CAV1: variants seen among roughly 807,000 people sequenced by gnomAD.
CAV1 encodes the protein caveolin 1, also known as caveolin-1.
Under a neutral mutation model 16.5 loss-of-function variants are expected in CAV1, and 10 were observed. The ratio of observed to expected loss-of-function variants is 0.61; its 90% CI spans 0.37 to 1.03. CAV1 has a LOEUF of 1.03. Among genes scored for constraint, CAV1 ranks in the 50% least tolerant of loss-of-function variants. CAV1 has a pLI of 0.01. For missense variants in CAV1, 212 were observed against 232.8 expected (o/e 0.91, Z 0.58); for synonymous variants, 76 against 85.1 (o/e 0.89, Z 0.59).
intron 2 of CAV1, among the ~76,000 whole-genome samples, chr7:116,535,234 T>C (rs1434185758): frequency 6.6e-6 from 1 of 152,248 alleles, no homozygotes; most frequent in African/African-American, 2.4e-5. Context: ...ACCTGGAATA[T>C]ACTGGAAGTC....
intron 2 of CAV1, among the ~76,000 whole-genome samples, chr7:116,540,982 A>G (rs1208824122): frequency 6.6e-6 from 1 of 152,206 alleles, no homozygotes; most frequent in Non-Finnish European, 1.5e-5. Flanking sequence ...AAACACACCC[A>G]TAGATGAATC....
chr7:116,560,552 T>A lies in CAV1; in HGVS notation c.*1265T>A, dbSNP rs985770825. 6.6e-6 allele frequency: 1 copy of A among 152,146 alleles called. No homozygotes were observed. Among genetic ancestry groups the A allele is most frequent in the Non-Finnish European group, 1.5e-5 (1 of 68,024 alleles). The allele number at this position is 152,146 out of a possible 1,614,324, so 9.4% of individuals were successfully genotyped here. On this transcript the variant is annotated 3_prime_UTR_variant, in exon 3 of 3. Transcript: ENST00000341049. ...AGCATCCCTTTGCCCAGAAAGAAGA[T>A]GGGGGAGGAGGCAGTAATAAAAAGA...
Position 116,526,518 on chromosome 7 carries a change from T to G in CAV1, c.31-7T>G. On this transcript the variant is annotated splice_polypyrimidine_tract_variant and splice_region_variant and intron_variant, in intron 1 of 2. Transcript: ENST00000341049. Reference sequence around the variant, plus strand: ...CGTCCTGGCCGTCCGCCCTCCGCCCTCTGCAGGGACATCTCTACACCGTTC... The same window carrying G: ...CGTCCTGGCCGTCCGCCCTCCGCCCGCTGCAGGGACATCTCTACACCGTTC... The G allele has an allele frequency of 6.2e-7, 1 of 1,613,610 alleles. No homozygotes were observed. Among genetic ancestry groups the G allele is most frequent in the Non-Finnish European group, 8.5e-7 (1 of 1,179,932 alleles).
rs1260823627 is a variant in CAV1, at chr7:116,525,844, C to G, written c.31-681C>G. 19 of 997,338 alleles carry G rather than the reference C, an allele frequency of 1.9e-5. No homozygotes were observed. In the South Asian group the frequency reaches 7.3e-4, roughly 38 times the overall value. The allele number at this position is 997,338 out of a possible 1,614,324, so 61.8% of individuals were successfully genotyped here. A position where few individuals can be genotyped will look rare whatever the true frequency, so the allele number is the denominator to read the frequency against. On this transcript the variant is annotated intron_variant, in intron 1 of 2. Coordinates refer to ENST00000341049, the MANE Select transcript of CAV1 (RefSeq NM_001753.5). ...CTAGGACATTTAGGGGGTCTGGTGC[C>G]TGGCTCCGCCAAAAATGGGGACTTT...
chr7:116,540,863 G>T (rs934977747), intron 2 of CAV1, among the ~76,000 whole-genome samples: 2 of 152,316 alleles, frequency 1.3e-5, no homozygotes, highest in East Asian at 3.9e-4. Context: ...GTGGGAGCCT[G>T]TGATGTGGAA....
intron 2 of CAV1, among the ~76,000 whole-genome samples, chr7:116,541,783 A>G (rs910838589): frequency 6.6e-6 from 1 of 151,006 alleles, no homozygotes; most frequent in Non-Finnish European, 1.5e-5. Flanking sequence ...GTGTTAGGTG[A>G]CATGAGAGAA....
intron 2 of CAV1, among the ~76,000 whole-genome samples, chr7:116,542,245 T>C (rs1240050587): frequency 6.6e-6 from 1 of 152,204 alleles, no homozygotes; most frequent in Non-Finnish European, 1.5e-5. Flanking sequence ...TAGAAACTCA[T>C]GAAAGAGTGT....
At chr7:116,542,160 A>C (rs1400308986) in intron 2 of CAV1, among the ~76,000 whole-genome samples, 1 of 152,246 alleles carries the variant, frequency 6.6e-6, no homozygotes, top group African/African-American at 2.4e-5. Context: ...TCTGTATGGC[A>C]AGCCTGCCCA....
At chr7:116,555,502 A>AAG (rs1306912271) in intron 2 of CAV1, among the ~76,000 whole-genome samples, 1 of 7,682 alleles carries the variant, frequency 1.3e-4, no homozygotes, top group Admixed American at 1.8e-3. Flanking sequence ...GAAAGAAAGA[A>AAG]AGAAAGAAAG....
chr7:116,544,970 G>A (rs140783027), intron 2 of CAV1, among the ~76,000 whole-genome samples: 7 of 152,180 alleles, frequency 4.6e-5, no homozygotes, highest in African/African-American at 1.7e-4. Context: ...TCCTCAAAAC[G>A]TAGACGCTTC....
At chr7:116,539,961 C>G (rs1404553438) in intron 2 of CAV1, among the ~76,000 whole-genome samples, 2 of 152,168 alleles carry the variant, frequency 1.3e-5, no homozygotes, top group Admixed American at 6.5e-5. Flanking sequence ...TATCCCCGCA[C>G]TATGGCAAGA....
chr7:116,526,374 G>A (rs1793559436), intron 1 of CAV1, 151 bp from the exon 2 acceptor site: 1 of 1,516,350 alleles, frequency 6.6e-7, no homozygotes, highest in Non-Finnish European at 8.8e-7. Context: ...GCACGGAGCC[G>A]TAGCTGTCGG....
chr7:116,542,298 G>T (rs1002102145), intron 2 of CAV1, among the ~76,000 whole-genome samples: 15 of 151,960 alleles, frequency 9.9e-5, no homozygotes, highest in Non-Finnish European at 2.1e-4. Context: ...TAGACCAGTG[G>T]TTCTTCACCC....
chr7:116,555,231 T>C (rs1233796299), intron 2 of CAV1, among the ~76,000 whole-genome samples: 1 of 151,892 alleles, frequency 6.6e-6, no homozygotes, highest in Non-Finnish European at 1.5e-5. Flanking sequence ...CTGCTTGAGC[T>C]CAGGCGTTCA....
intron 2 of CAV1, 139 bp from the exon 3 acceptor site, chr7:116,558,804 ATGC>A (rs908583847): frequency 4.6e-5 from 31 of 674,734 alleles, no homozygotes; most frequent in Non-Finnish European, 1.1e-5. Context: ...AGTGATGCTG[ATGC>A]TGCTGGTTGC....
At chr7:116,531,829 C>T (rs1032969229) in intron 2 of CAV1, among the ~76,000 whole-genome samples, 1 of 152,108 alleles carries the variant, frequency 6.6e-6, no homozygotes, top group Non-Finnish European at 1.5e-5. Flanking sequence ...TGATATTCTA[C>T]CATGTATGAA....
chr7:116,525,941 G>A, intron 1 of CAV1: 1 of 632,704 alleles, frequency 1.6e-6, no homozygotes, highest in Non-Finnish European at 2.0e-6. Flanking sequence ...GAGGCAGGGT[G>A]GGGGGCGCGG....
rs199578058 is a variant in CAV1, at chr7:116,525,105, G to T, written c.30+13G>T. On this transcript the variant is annotated intron_variant, in intron 1 of 2. Coordinates refer to ENST00000341049, the MANE Select transcript of CAV1 (RefSeq NM_001753.5). ...CGTAGACTCGGAGGTAGGCATCCGT[G>T]GGGGGGCGCCGGCTCGGGCGTGCGG... 213 of 1,608,730 alleles carry T rather than the reference G, an allele frequency of 1.3e-4. 1 individual carries two copies. Among genetic ancestry groups the T allele is most frequent in the South Asian group, 8.1e-4 (74 of 91,068 alleles).
At chr7:116,531,327 A>G (rs1197721031) in intron 2 of CAV1, among the ~76,000 whole-genome samples, 1 of 152,224 alleles carries the variant, frequency 6.6e-6, no homozygotes, top group African/African-American at 2.4e-5. Flanking sequence ...AAACAGAAAT[A>G]TGCATTCATA....
Sources: gnomAD v4.1 joint callset for allele counts (sites outside exome capture counted in the v4.1 genomes callset) on GRCh38, gnomAD v4.1.1 for gene constraint, MANE v1.5 for transcripts, NCBI Gene and HGNC (gene_info 2026-07-23, HGNC 2026-07-21) for gene names.